Variants in CSTF3 observed in about 807,000 individuals in gnomAD.
CSTF3 encodes the protein CF-1 77 kDa subunit.
In CSTF3, 29 loss-of-function variants were observed where a neutral mutation model predicts 105.8. The ratio of observed to expected loss-of-function variants is 0.27; its 90% CI spans 0.20 to 0.37. The LOEUF (loss-of-function observed/expected upper bound fraction) is 0.37, where lower values mean the gene tolerates loss of function less well. Ranked by LOEUF, CSTF3 falls within the 10% of genes least tolerant of loss-of-function variation. The pLI is 1.00. For missense variants in CSTF3, 357 were observed against 879.3 expected (o/e 0.41, Z 7.51); for synonymous variants, 252 against 281.9 (o/e 0.89, Z 1.06).
Position 33,085,706 on chromosome 11 carries a change from T to C in CSTF3, c.1951+7A>G. On this transcript the variant is annotated splice_region_variant and intron_variant, in intron 20 of 20. Transcript: ENST00000323959. Reference sequence around the variant, plus strand: ...TGACACTCTGAAATGGAGCTTCTGTTACTTACTATTTGGTATCTTGCATCT... The same window carrying C: ...TGACACTCTGAAATGGAGCTTCTGTCACTTACTATTTGGTATCTTGCATCT... The C allele has an allele frequency of 4.4e-6, 7 of 1,604,068 alleles. No individual in the cohort carries two copies. Among genetic ancestry groups the C allele is most frequent in the Non-Finnish European group, 6.0e-6 (7 of 1,171,514 alleles).
At chr11:33,113,824 G>A (rs1855404830) in intron 3 of CSTF3, among the ~76,000 whole-genome samples, 1 of 151,982 alleles carries the variant, frequency 6.6e-6, no homozygotes, top group Non-Finnish European at 1.5e-5. Flanking sequence ...GGAAGGCTGA[G>A]GTGAATGGAT....
At chr11:33,092,469 A>AT in intron 15 of CSTF3, 129 bp from the exon 16 acceptor site, 1 of 539,360 alleles carries the variant, frequency 1.9e-6, no homozygotes, top group Non-Finnish European at 3.1e-6. Context: ...ATCACACTTG[A>AT]TTTTTATAGA....
intron 3 of CSTF3, among the ~76,000 whole-genome samples, chr11:33,132,008 G>A (rs1432366455): frequency 6.6e-6 from 1 of 152,096 alleles, no homozygotes; most frequent in Admixed American, 6.5e-5. Context: ...CACAGGTATT[G>A]ACTATATATT....
intron 1 of CSTF3, among the ~76,000 whole-genome samples, chr11:33,159,129 T>G (rs920594535): frequency 6.6e-6 from 1 of 152,098 alleles, no homozygotes; most frequent in Non-Finnish European, 1.5e-5. Flanking sequence ...CTGAAATACT[T>G]GGGGCTGCAA....
At chr11:33,141,546 A>T (rs1366208074) in intron 3 of CSTF3, 121 bp downstream of exon 3, 1 of 1,394,614 alleles carries the variant, frequency 7.2e-7, no homozygotes, top group Non-Finnish European at 9.3e-7. Flanking sequence ...TATTTTACAA[A>T]ATAAAGGTAA....
chr11:33,106,702 C>T (rs536221297), intron 5 of CSTF3, among the ~76,000 whole-genome samples: 1 of 152,078 alleles, frequency 6.6e-6, no homozygotes, highest in Non-Finnish European at 1.5e-5. Flanking sequence ...TGATGTTAAG[C>T]TTGTCAAGAT....
At chr11:33,085,674 C>T (rs376478270) in intron 20 of CSTF3, 39 bp downstream of exon 20, 34 of 1,534,950 alleles carry the variant, frequency 2.2e-5, no homozygotes, top group Admixed American at 1.2e-4. Flanking sequence ...GAGACAACAA[C>T]GTGGAATGAC....
intron 3 of CSTF3, among the ~76,000 whole-genome samples, chr11:33,135,958 T>C (rs1186899405): frequency 6.6e-6 from 1 of 152,154 alleles, no homozygotes; most frequent in Non-Finnish European, 1.5e-5. Context: ...GATCTTGTTA[T>C]CTTTGACCCT....
chr11:33,131,062 T>G (rs964982349), intron 3 of CSTF3, among the ~76,000 whole-genome samples: 1 of 152,186 alleles, frequency 6.6e-6, no homozygotes, highest in African/African-American at 2.4e-5. Flanking sequence ...TCTTATAAAT[T>G]TCTTAAAATC....
At position 33,151,653 on chromosome 11, in the gene CSTF3, G is replaced by C. The variant is rs138679039; in HGVS notation, c.27+9646C>G. Among the ~76,000 whole-genome samples, 205 of 152,192 alleles carry C rather than the reference G, an allele frequency of 1.3e-3. 2 individuals are homozygous for C. The highest frequency in any genetic ancestry group is 0.011 in the Admixed American group (172 of 15,276). Reference sequence around the variant, plus strand: ...TGGCTATTATGAATAATGTTACTATGAACATTAGTGTGTAAGATTTCTTTG... The same window carrying C: ...TGGCTATTATGAATAATGTTACTATCAACATTAGTGTGTAAGATTTCTTTG... On this transcript the variant is annotated intron_variant, in intron 1 of 20. Coordinates refer to ENST00000323959, the MANE Select transcript of CSTF3 (RefSeq NM_001326.3).
At position 33,138,878 on chromosome 11, in the gene CSTF3, A is replaced by G. The variant is rs561055731; in HGVS notation, c.225+2789T>C. Among the ~76,000 whole-genome samples, 4 of 152,004 alleles carry G rather than the reference A, an allele frequency of 2.6e-5. No individual in the cohort carries two copies. In the South Asian group the frequency reaches 8.3e-4, roughly 31 times the overall value. ...GTTTTTGAAATTATATATTAAGAAT[A>G]CACAGAAGTTTGTCCTAAATGCCAT... On this transcript the variant is annotated intron_variant, in intron 3 of 20. Coordinates refer to ENST00000323959, the MANE Select transcript of CSTF3 (RefSeq NM_001326.3).
intron 15 of CSTF3, among the ~76,000 whole-genome samples, chr11:33,095,981 C>T (rs1275852035): frequency 1.4e-5 from 2 of 139,746 alleles, no homozygotes; most frequent in Non-Finnish European, 3.2e-5. Flanking sequence ...TGTTTGTTTT[C>T]CTTCCAGGAA....
At chr11:33,144,049 A>G (rs1590284652) in intron 1 of CSTF3, among the ~76,000 whole-genome samples, 1 of 152,296 alleles carries the variant, frequency 6.6e-6, no homozygotes, top group African/African-American at 2.4e-5. Context: ...CCTGACATCT[A>G]TAAATGGCAA....
intron 3 of CSTF3, among the ~76,000 whole-genome samples, chr11:33,121,257 A>G (rs939552483): frequency 1.3e-5 from 2 of 152,076 alleles, no homozygotes; most frequent in Non-Finnish European, 2.9e-5. Context: ...TTAGACGTGA[A>G]TTTCTTTTTT....
chr11:33,105,707 A>C lies in CSTF3; in HGVS notation c.459-14T>G. The C allele has an allele frequency of 6.2e-7, 1 of 1,612,524 alleles. No individual in the cohort carries two copies. Among genetic ancestry groups the C allele is most frequent in the East Asian group, 2.2e-5 (1 of 44,796 alleles). Reference sequence around the variant, plus strand: ...CCTACAGCTTCCCTGAGATTGGATAAGAAATGCCATCAATTATATTATAAC... The same window carrying C: ...CCTACAGCTTCCCTGAGATTGGATACGAAATGCCATCAATTATATTATAAC... On this transcript the variant is annotated splice_polypyrimidine_tract_variant and intron_variant, in intron 7 of 20. Transcript: ENST00000323959.
chr11:33,124,621 T>G (rs533808125), intron 3 of CSTF3, among the ~76,000 whole-genome samples: 14 of 152,188 alleles, frequency 9.2e-5, no homozygotes, highest in African/African-American at 2.9e-4. Flanking sequence ...ATGAAAACTT[T>G]CATTGGAACA....
chr11:33,098,974 A>C (rs1855252478), intron 12 of CSTF3, 60 bp downstream of exon 12: 4 of 1,524,018 alleles, frequency 2.6e-6, no homozygotes, highest in Non-Finnish European at 3.5e-6. Context: ...AGCCAGAAAA[A>C]AAGTTCAGTC....
chr11:33,102,034 A>G (rs190689343), intron 10 of CSTF3, 143 bp downstream of exon 10: 55 of 566,354 alleles, frequency 9.7e-5, no homozygotes, highest in Non-Finnish European at 4.3e-5. Flanking sequence ...TTCAGTGAAT[A>G]TGGAGATAGA....
chr11:33,114,036 T>C (rs111955594), intron 3 of CSTF3, among the ~76,000 whole-genome samples: 149 of 152,356 alleles, frequency 9.8e-4, no homozygotes, highest in African/African-American at 3.5e-3. Flanking sequence ...CAAGCATTAA[T>C]TGGTCATCAC....
Sources: allele counts gnomAD v4.1 joint callset (sites outside exome capture counted in the v4.1 genomes callset), GRCh38; gene constraint gnomAD v4.1.1; transcripts MANE v1.5; gene names NCBI Gene and HGNC (gene_info 2026-07-23, HGNC 2026-07-21).